The following CSMD1 variants were observed in gnomAD, a reference collection of about 807,000 sequenced individuals.
CSMD1 encodes the protein CUB and Sushi multiple domains 1.
CSMD1 carries 213 observed loss-of-function variants against 417.5 expected under a neutral mutation model. That is an observed-to-expected ratio of 0.51 (90% CI 0.46 to 0.57). The LOEUF is 0.57. CSMD1 is among the 20% of genes least tolerant of loss of function. The probability of loss-of-function intolerance (pLI) is 0.00; values close to 1 mark genes in which losing one functional copy is unlikely to be tolerated. For synonymous variants in CSMD1, 2,862 were observed against 1,736.8 expected, an observed-to-expected ratio of 1.65 and a Z score of -16.11; for missense variants, 6,923 against 4,529.7, an observed-to-expected ratio of 1.53 and a Z score of -15.17.
intron 1 of CSMD1, among the ~76,000 whole-genome samples, chr8:4,912,359 CTT>C (rs10578105): frequency 9.0e-4 from 133 of 148,348 alleles, no homozygotes; most frequent in East Asian, 5.4e-3. Flanking sequence ...TCATTTTCTG[CTT>C]TTTTTTTTTT....
At chr8:3,382,429 T>G (rs1179225870) in intron 18 of CSMD1, among the ~76,000 whole-genome samples, 1 of 143,658 alleles carries the variant, frequency 7.0e-6, no homozygotes, top group Non-Finnish European at 1.5e-5. Context: ...CATAATATAT[T>G]ATATAATAAC....
intron 7 of CSMD1, among the ~76,000 whole-genome samples, chr8:3,666,805 C>T (rs768071610): frequency 6.6e-6 from 1 of 151,928 alleles, no homozygotes; most frequent in Admixed American, 6.5e-5. Flanking sequence ...GAGGCCTCCT[C>T]AGCCATGTGG....
At chr8:3,648,072 G>A (rs1356895314) in intron 7 of CSMD1, among the ~76,000 whole-genome samples, 1 of 152,206 alleles carries the variant, frequency 6.6e-6, no homozygotes. Flanking sequence ...GAGGACAGAT[G>A]GATGGATGTG....
At position 3,151,379 on chromosome 8, in the gene CSMD1, G is replaced by C. The variant is rs978877037; in HGVS notation, c.6031+18C>G. 5.3e-6 allele frequency: 8 copies of C among 1,501,588 alleles called. No homozygotes were observed. Among genetic ancestry groups the C allele is most frequent in the Middle Eastern group, 1.7e-4 (1 of 5,908 alleles). The allele number at this position is 1,501,588 out of a possible 1,614,324, so 93.0% of individuals were successfully genotyped here. On this transcript the variant is annotated intron_variant, in intron 40 of 69. Transcript: ENST00000635120. ...TGAAAAAAATGAACTTTTAGGAATT[G>C]GTAACATTTTCACTTACCATAGCCG...
chr8:4,562,399 T>G (rs917299832), intron 2 of CSMD1, among the ~76,000 whole-genome samples: 14 of 152,160 alleles, frequency 9.2e-5, no homozygotes, highest in Non-Finnish European at 1.6e-4. Context: ...AGCCCTCAAA[T>G]TAGTAAATTA....
intron 5 of CSMD1, among the ~76,000 whole-genome samples, chr8:3,904,564 G>A (rs1807980805): frequency 6.6e-6 from 1 of 151,668 alleles, no homozygotes; most frequent in South Asian, 2.1e-4. Flanking sequence ...AACACACTTT[G>A]GAGAGTTGGG....
Position 3,247,411 on chromosome 8 carries a change from C to T in CSMD1, c.4154-17180G>A, listed in dbSNP as rs192595243. Among the ~76,000 whole-genome samples, 370 of 152,282 alleles carry T rather than the reference C, an allele frequency of 2.4e-3. 1 individual carries two copies. The highest frequency in any genetic ancestry group is 4.5e-3 in the Non-Finnish European group (303 of 68,028). On this transcript the variant is annotated intron_variant, in intron 26 of 69. Transcript: ENST00000635120. ...GACATTGTGACCCCTCTGCTGACTT[C>T]TCTTATTTCCATGCTCCTTGTATCT... is the stretch of plus-strand genomic sequence containing the variant.
At chr8:3,686,308 C>T (rs182573934) in intron 7 of CSMD1, among the ~76,000 whole-genome samples, 1 of 152,148 alleles carries the variant, frequency 6.6e-6, no homozygotes, top group Admixed American at 6.6e-5. Flanking sequence ...TGACAGCTAA[C>T]ACTGTGACTT....
At chr8:4,282,958 G>A (rs62478570) in intron 3 of CSMD1, among the ~76,000 whole-genome samples, 12,916 of 152,014 alleles carry the variant, frequency 0.085, 711 homozygotes, top group Non-Finnish European at 0.12. Context: ...ACACTTTTCA[G>A]TCTCATATAT....
At chr8:3,100,746 C>T (rs927386613) in intron 46 of CSMD1, among the ~76,000 whole-genome samples, 1 of 152,148 alleles carries the variant, frequency 6.6e-6, no homozygotes, top group Non-Finnish European at 1.5e-5. Flanking sequence ...ATCTCATAGG[C>T]CTTCAGCAAA....
At chr8:4,395,991 A>G (rs1804180674) in intron 3 of CSMD1, among the ~76,000 whole-genome samples, 1 of 152,174 alleles carries the variant, frequency 6.6e-6, no homozygotes, top group African/African-American at 2.4e-5. Flanking sequence ...GTTACTTTTA[A>G]AAATGGAATG....
At chr8:3,539,001 T>A (rs1192062322) in intron 10 of CSMD1, among the ~76,000 whole-genome samples, 1 of 152,066 alleles carries the variant, frequency 6.6e-6, no homozygotes, top group African/African-American at 2.4e-5. Context: ...CTCATTGAAG[T>A]GAAAATAAAA....
At chr8:4,847,156 C>A (rs988953818) in intron 1 of CSMD1, among the ~76,000 whole-genome samples, 2 of 152,260 alleles carry the variant, frequency 1.3e-5, no homozygotes, top group Admixed American at 6.5e-5. Context: ...GAATGCCACT[C>A]TCTCGTAAGT....
intron 5 of CSMD1, among the ~76,000 whole-genome samples, chr8:3,771,926 G>C (rs1018211406): frequency 6.6e-6 from 1 of 151,764 alleles, no homozygotes; most frequent in African/African-American, 2.4e-5. Flanking sequence ...TAGCCCACAG[G>C]CAACTCAACA....
At chr8:4,378,725 G>GGT (rs2128917334) in intron 3 of CSMD1, among the ~76,000 whole-genome samples, 1 of 152,294 alleles carries the variant, frequency 6.6e-6, no homozygotes, top group Admixed American at 6.5e-5. Flanking sequence ...GGTCTTAGAA[G>GGT]GTGAGGCCTT....
chr8:4,646,298 C>T (rs1393616442), intron 1 of CSMD1, among the ~76,000 whole-genome samples: 3 of 152,174 alleles, frequency 2.0e-5, no homozygotes, highest in African/African-American at 7.2e-5. Context: ...TAATGAAATT[C>T]CCAGTGATGA....
At chr8:4,708,284 A>C (rs1294045299) in intron 1 of CSMD1, among the ~76,000 whole-genome samples, 1 of 152,132 alleles carries the variant, frequency 6.6e-6, no homozygotes, top group East Asian at 1.9e-4. Flanking sequence ...CAGAATATAA[A>C]TCATTGTCAT....
chr8:4,246,102 G>C lies in CSMD1; in HGVS notation c.415+173851C>G, dbSNP rs552504236. Among the ~76,000 whole-genome samples the C allele has an allele frequency of 1.2e-4, 18 of 152,196 alleles. No homozygotes were observed. In the South Asian group the frequency reaches 3.3e-3, roughly 28 times the overall value. Reference sequence around the variant, plus strand: ...AAGTAAACTTATGTCATGGGAGTTTGTTGTACAGATTATTTGATCACCCAG... The same window carrying C: ...AAGTAAACTTATGTCATGGGAGTTTCTTGTACAGATTATTTGATCACCCAG... On this transcript the variant is annotated intron_variant, in intron 3 of 69. Coordinates refer to ENST00000635120, the MANE Select transcript of CSMD1 (RefSeq NM_033225.6).
intron 41 of CSMD1, among the ~76,000 whole-genome samples, chr8:3,119,855 C>T (rs773133468): frequency 2.0e-5 from 3 of 152,124 alleles, no homozygotes; most frequent in Admixed American, 6.5e-5. Flanking sequence ...CAACCCTCAG[C>T]GCCAGGCAAC....
Sources: allele counts gnomAD v4.1 joint callset (sites outside exome capture counted in the v4.1 genomes callset), GRCh38; gene constraint gnomAD v4.1.1; transcripts MANE v1.5; gene names NCBI Gene and HGNC (gene_info 2026-07-23, HGNC 2026-07-21).